The following NFIB variants were observed in gnomAD, a reference collection of about 807,000 sequenced individuals.
NFIB encodes the protein nuclear factor I B, also known as nuclear factor 1 B-type.
NFIB carries 11 observed loss-of-function variants against 61.5 expected under a neutral mutation model. That is an observed-to-expected ratio of 0.18 (90% CI 0.11 to 0.30). NFIB has a LOEUF of 0.30. Among genes scored for constraint, NFIB ranks in the 10% least tolerant of loss-of-function variants. NFIB has a pLI of 1.00. For synonymous variants in NFIB, 260 were observed against 216.5 expected, an observed-to-expected ratio of 1.20 and a Z score of -1.76; for missense variants, 471 against 608.9, an observed-to-expected ratio of 0.77 and a Z score of 2.38.
At chr9:14,189,254 C>G (rs1054410643) in intron 2 of NFIB, among the ~76,000 whole-genome samples, 2 of 152,308 alleles carry the variant, frequency 1.3e-5, no homozygotes, top group East Asian at 3.9e-4. Context: ...ATAAGACTTT[C>G]TAATATTTCA....
the NFIB span, among the ~76,000 whole-genome samples, chr9:14,411,941 G>A: frequency 3.1e-3 from 469 of 152,268 alleles, 5 homozygotes; most frequent in Admixed American, 0.028. Context: ...CCAAAGAGAG[G>A]CCTATGTGGT....
intron 6 of NFIB, among the ~76,000 whole-genome samples, chr9:14,130,680 T>C (rs1400192263): frequency 2.7e-5 from 4 of 150,536 alleles, no homozygotes; most frequent in African/African-American, 9.8e-5. Context: ...GGGAAGAGAA[T>C]GAAAAAAAAA....
At chr9:14,174,170 T>G (rs963771983) in intron 3 of NFIB, among the ~76,000 whole-genome samples, 1 of 149,848 alleles carries the variant, frequency 6.7e-6, no homozygotes, top group African/African-American at 2.5e-5. Flanking sequence ...TAAAACAAAA[T>G]ACATTAAAAA....
the NFIB span, among the ~76,000 whole-genome samples, chr9:14,507,304 G>A: frequency 6.6e-6 from 1 of 152,124 alleles, no homozygotes; most frequent in Non-Finnish European, 1.5e-5. Context: ...TGATATAAAA[G>A]TTTTTATTTT....
At chr9:14,290,509 C>A (rs1230585254) in intron 2 of NFIB, among the ~76,000 whole-genome samples, 2 of 152,006 alleles carry the variant, frequency 1.3e-5, no homozygotes, top group East Asian at 3.9e-4. Context: ...GCTCAGGAAA[C>A]TGAATCTTAG....
rs554266574 is a variant in NFIB at position 14,391,626 on chromosome 9, A to T, written c.108+6898T>A. On this transcript the variant is annotated intron_variant, in intron 1 of 8. Transcript: ENST00000380934. ...AGGGAAAAATGCCTCGAGTGAGCAC[A>T]CGTACAACTTCAGTAAACACACTGT... Among the ~76,000 whole-genome samples, 5 of 152,286 alleles carry T rather than the reference A, an allele frequency of 3.3e-5. No homozygotes were observed. The East Asian group carries it at 5.8e-4, about 18-fold the overall frequency.
chr9:14,397,150 G>T (rs1044819826), intron 1 of NFIB, among the ~76,000 whole-genome samples: 2 of 152,056 alleles, frequency 1.3e-5, no homozygotes, highest in African/African-American at 4.8e-5. Context: ...ACTGATATTA[G>T]ATGGGCAATA....
intron 2 of NFIB, among the ~76,000 whole-genome samples, chr9:14,302,091 G>C (rs1170241997): frequency 6.6e-6 from 1 of 152,160 alleles, no homozygotes; most frequent in Non-Finnish European, 1.5e-5. Context: ...AATCATCCTA[G>C]AGAGCAGCCT....
chr9:14,494,122 G>A, the NFIB span, among the ~76,000 whole-genome samples: 1 of 152,098 alleles, frequency 6.6e-6, no homozygotes. Flanking sequence ...ATGTTGGAGT[G>A]GAATTCACAT....
the NFIB span, among the ~76,000 whole-genome samples, chr9:14,438,337 C>T: frequency 2.0e-5 from 3 of 152,168 alleles, no homozygotes; most frequent in East Asian, 1.9e-4. Context: ...AATAGTCTTA[C>T]GTGTGACCAT....
At chr9:14,441,854 G>C in the NFIB span, among the ~76,000 whole-genome samples, 2 of 152,174 alleles carry the variant, frequency 1.3e-5, no homozygotes, top group Non-Finnish European at 2.9e-5. Context: ...CCTTTGTACA[G>C]TACACTTACG....
At chr9:14,300,952 G>C (rs2059717983) in intron 2 of NFIB, among the ~76,000 whole-genome samples, 2 of 152,176 alleles carry the variant, frequency 1.3e-5, no homozygotes, top group Admixed American at 1.3e-4. Flanking sequence ...AAATTCAAAA[G>C]CAAAAAGTTA....
intron 10 of NFIB, among the ~76,000 whole-genome samples, chr9:14,103,515 A>G (rs2118867839): frequency 6.6e-6 from 1 of 152,274 alleles, no homozygotes; most frequent in South Asian, 2.1e-4. Flanking sequence ...AGTACCATAA[A>G]TTATCATAAA....
At chr9:14,208,251 AAG>A (rs1232253306) in intron 2 of NFIB, among the ~76,000 whole-genome samples, 1 of 152,216 alleles carries the variant, frequency 6.6e-6, no homozygotes, top group Non-Finnish European at 1.5e-5. Flanking sequence ...AAAAAAGACT[AAG>A]AGAGTAAATC....
At chr9:14,492,626 G>A in the NFIB span, among the ~76,000 whole-genome samples, 1 of 151,992 alleles carries the variant, frequency 6.6e-6, no homozygotes, top group Non-Finnish European at 1.5e-5. Flanking sequence ...GATCTCACGG[G>A]AACTCTATCA....
At chr9:14,097,559 T>C (rs530748262) in intron 10 of NFIB, among the ~76,000 whole-genome samples, 3 of 152,258 alleles carry the variant, frequency 2.0e-5, no homozygotes, top group South Asian at 4.1e-4. Flanking sequence ...CTCTTTATAT[T>C]ACCTAAGGAC....
In NFIB at chr9:14,202,128, T is replaced by TCACACACACACACA. The variant is rs3080833; in HGVS notation, c.563-22362_563-22349dup. Among the ~76,000 whole-genome samples, 23 of 147,078 alleles carry TCACACACACACACA rather than the reference T, an allele frequency of 1.6e-4. 1 individual carries two copies. The highest frequency in any genetic ancestry group is 3.8e-4 in the African/African-American group (15 of 39,828). ...ATTTTGAAGATAAAATTGATACTTT[T>TCACACACACACACA]CACACACACACACACACACACACAC... On this transcript the variant is annotated intron_variant, in intron 2 of 10. Transcript: ENST00000380953.
upstream of NFIB, among the ~76,000 whole-genome samples, chr9:14,317,536 G>A (rs1160731833): frequency 6.6e-6 from 1 of 152,214 alleles, no homozygotes; most frequent in East Asian, 1.9e-4. Context: ...GGAGTATGGT[G>A]AGGCGAGGAA....
At chr9:14,187,978 A>G (rs1587441565) in intron 2 of NFIB, among the ~76,000 whole-genome samples, 2 of 152,260 alleles carry the variant, frequency 1.3e-5, no homozygotes, top group South Asian at 2.1e-4. Flanking sequence ...TAGGATAATC[A>G]TATCTGACCT....
Sources: gnomAD v4.1 joint callset for allele counts (sites outside exome capture counted in the v4.1 genomes callset) on GRCh38, gnomAD v4.1.1 for gene constraint, MANE v1.5 for transcripts, NCBI Gene and HGNC (gene_info 2026-07-23, HGNC 2026-07-21) for gene names.